The following PRSS23 variants were observed in gnomAD, a reference collection of about 807,000 sequenced individuals.
PRSS23 encodes the protein serine protease 23, also known as protease, serine 23.
In PRSS23, 25 loss-of-function variants were observed where a neutral mutation model predicts 34.7. The observed-to-expected ratio is 0.72, with a 90% CI of 0.53 to 1.01. The LOEUF (loss-of-function observed/expected upper bound fraction) is 1.01, where lower values mean the gene tolerates loss of function less well. Ranked by LOEUF, PRSS23 falls within the 50% of genes least tolerant of loss-of-function variation. The pLI, the probability that PRSS23 is intolerant of heterozygous loss-of-function variation, is 0.00. For missense variants in PRSS23, 445 were observed against 475.6 expected, an observed-to-expected ratio of 0.94 and a Z score of 0.60; for synonymous variants, 176 against 186.6, an observed-to-expected ratio of 0.94 and a Z score of 0.46.
intron 2 of PRSS23, among the ~76,000 whole-genome samples, chr11:86,877,524 G>A (rs1208971201): frequency 6.6e-6 from 1 of 151,964 alleles, no homozygotes; most frequent in Non-Finnish European, 1.5e-5. Flanking sequence ...TACACTGGAA[G>A]GTAAGGGAGG....
At chr11:86,896,371 A>C (rs1374416778) in intron 2 of PRSS23, 1 of 149,062 alleles carries the variant, frequency 6.7e-6, no homozygotes, top group Non-Finnish European at 1.5e-5. Context: ...AAAAAAAAAA[A>C]CACACATATA....
chr11:86,927,638 T>A (rs1949090586), intron 2 of PRSS23, among the ~76,000 whole-genome samples: 1 of 152,188 alleles, frequency 6.6e-6, no homozygotes, highest in South Asian at 2.1e-4. Flanking sequence ...TAAGCCACTG[T>A]GCCCGGCCTT....
chr11:86,911,411 C>T (rs531283409), intron 2 of PRSS23: 1 of 151,832 alleles, frequency 6.6e-6, no homozygotes, highest in East Asian at 1.9e-4. Flanking sequence ...AACTCATCAC[C>T]CAAATAGTGA....
intron 1 of PRSS23, among the ~76,000 whole-genome samples, chr11:86,804,184 A>G (rs1948073280): frequency 6.6e-6 from 1 of 152,158 alleles, no homozygotes; most frequent in South Asian, 2.1e-4. Flanking sequence ...GCAACTTAAG[A>G]AGCTTGTAGC....
intron 2 of PRSS23, among the ~76,000 whole-genome samples, chr11:86,831,666 G>A (rs12419964): frequency 0.011 from 1,615 of 151,430 alleles, 83 homozygotes; most frequent in Admixed American, 0.089. Flanking sequence ...TCTAGGGGAT[G>A]TTACTCCTAA....
intron 2 of PRSS23, among the ~76,000 whole-genome samples, chr11:86,917,766 C>G (rs1224028596): frequency 6.6e-6 from 1 of 152,156 alleles, no homozygotes; most frequent in Non-Finnish European, 1.5e-5. Context: ...GATGATTGAT[C>G]TCAGCCAATA....
chr11:86,919,620 A>G (rs1043254900), intron 2 of PRSS23, among the ~76,000 whole-genome samples: 3 of 152,248 alleles, frequency 2.0e-5, no homozygotes, highest in Middle Eastern at 3.2e-3. Context: ...TTGGTTTCTC[A>G]TAATTGTTCT....
intron 2 of PRSS23, among the ~76,000 whole-genome samples, chr11:86,853,242 C>CT (rs561682096): frequency 0.023 from 1,101 of 47,790 alleles, 329 homozygotes; most frequent in Non-Finnish European, 0.029. Context: ...AAGTGCCTGC[C>CT]TTTTTTTTTT....
At chr11:86,814,126 G>A (rs1007741788), downstream of PRSS23, among the ~76,000 whole-genome samples, 1 of 152,220 alleles carries the variant, frequency 6.6e-6, no homozygotes, top group Non-Finnish European at 1.5e-5. Flanking sequence ...TCCTGTGTCA[G>A]TCATGTTAGG....
At chr11:86,950,456 G>A (rs1162752826) in intron 2 of PRSS23, 1 of 152,736 alleles carries the variant, frequency 6.5e-6, no homozygotes. Flanking sequence ...TGAAATTTAA[G>A]AGAGGAAGAC....
intron 2 of PRSS23, among the ~76,000 whole-genome samples, chr11:86,903,220 C>T (rs144459458): frequency 2.6e-5 from 4 of 152,208 alleles, no homozygotes; most frequent in Admixed American, 2.0e-4. Flanking sequence ...GGATGGATGT[C>T]TAGTGTCAAT....
chr11:86,882,364 C>T (rs1948777148), intron 2 of PRSS23, among the ~76,000 whole-genome samples: 2 of 152,166 alleles, frequency 1.3e-5, no homozygotes, highest in South Asian at 4.1e-4. Flanking sequence ...CTCCCACTCT[C>T]CACCTTCTGA....
chr11:86,887,657 C>T (rs764874877), intron 2 of PRSS23, among the ~76,000 whole-genome samples: 3 of 152,180 alleles, frequency 2.0e-5, no homozygotes, highest in Non-Finnish European at 4.4e-5. Context: ...TTACCGTGCA[C>T]CTACGTTATT....
intron 2 of PRSS23, among the ~76,000 whole-genome samples, chr11:86,917,538 G>A (rs1478338512): frequency 2.0e-5 from 3 of 152,180 alleles, no homozygotes; most frequent in African/African-American, 7.2e-5. Context: ...AGAAGTGTTA[G>A]GTCAAGTGCT....
chr11:86,887,388 C>A (rs1948809392), intron 2 of PRSS23, among the ~76,000 whole-genome samples: 1 of 135,020 alleles, frequency 7.4e-6, no homozygotes, highest in Non-Finnish European at 1.6e-5. Flanking sequence ...GTCAAAAAAA[C>A]AGTCAGGAAA....
intron 2 of PRSS23, among the ~76,000 whole-genome samples, chr11:86,942,511 C>T (rs1156411936): frequency 1.3e-5 from 2 of 152,214 alleles, no homozygotes; most frequent in Admixed American, 1.3e-4. Context: ...ATAATGCAGG[C>T]TTTCCATGAG....
At chr11:86,797,752 A>C (rs1379086222), upstream of PRSS23, among the ~76,000 whole-genome samples, 1 of 152,202 alleles carries the variant, frequency 6.6e-6, no homozygotes, top group Non-Finnish European at 1.5e-5. Flanking sequence ...AACAATACCT[A>C]ATATTTATTA....
chr11:86,808,726 C>A lies in PRSS23; in HGVS notation c.1083C>A (p.Ile361=). Residue 361 remains isoleucine (I), a synonymous_variant, in exon 2 of 2, where the codon ATC becomes ATA. Transcript: ENST00000280258. ...AGGATTTCAACGTGGCTGTCAGAAT[C>A]ACTCCTCTCAAATATGCCCAGATTT... The part of the protein sequence containing the change: ...SPQDFNVAVR[I]TPLKYAQICY... 1 of 1,614,168 alleles carries A rather than the reference C, an allele frequency of 6.2e-7. No homozygotes were observed. Among genetic ancestry groups the A allele is most frequent in the South Asian group, 1.1e-5 (1 of 91,072 alleles).
chr11:86,800,477 G>C (rs1366200183), upstream of PRSS23: 1 of 983,996 alleles, frequency 1.0e-6, no homozygotes, highest in African/African-American at 1.8e-5. Context: ...GAGGCGGGGC[G>C]GGCGGGCCTC....
Sources: allele counts gnomAD v4.1 joint callset (sites outside exome capture counted in the v4.1 genomes callset), GRCh38; gene constraint gnomAD v4.1.1; transcripts MANE v1.5; gene names NCBI Gene and HGNC (gene_info 2026-07-23, HGNC 2026-07-21).